Variants in SEC16B observed in about 807,000 individuals in gnomAD.
SEC16B encodes protein transport protein Sec16B.
SEC16B carries 115 observed loss-of-function variants against 141.8 expected under a neutral mutation model. That is an observed-to-expected ratio of 0.81 (90% CI 0.70 to 0.95). The LOEUF (loss-of-function observed/expected upper bound fraction) is 0.95. SEC16B is among the 40% of genes least tolerant of loss of function. SEC16B has a pLI of 0.00. For synonymous variants in SEC16B, 493 were observed against 492.5 expected, an observed-to-expected ratio of 1.00 and a Z score of -0.01; for missense variants, 1,291 against 1,312.3, an observed-to-expected ratio of 0.98 and a Z score of 0.25.
intron 8 of SEC16B, chr1:177,959,257 T>C (rs1652880007): frequency 4.8e-6 from 2 of 419,672 alleles, no homozygotes; most frequent in Non-Finnish European, 8.9e-6. Context: ...AAAGCAGACT[T>C]TGGAGTCAGA....
At chr1:177,956,105 C>A (rs954419103) in intron 10 of SEC16B, among the ~76,000 whole-genome samples, 2 of 152,146 alleles carry the variant, frequency 1.3e-5, no homozygotes, top group Admixed American at 1.3e-4. Context: ...ATAGTTATTA[C>A]CTTTTTAAGT....
Position 177,958,149 on chromosome 1 carries a change from A to G in SEC16B, c.1348T>C (p.Tyr450His). 1 of 1,529,130 alleles carries G rather than the reference A, an allele frequency of 6.5e-7. No homozygotes were observed. The highest frequency in any genetic ancestry group is 1.4e-5 in the African/African-American group (1 of 72,626). 94.7% of individuals were successfully genotyped at this position (1,529,130 alleles called of 1,614,324 possible). A position where few individuals can be genotyped will look rare whatever the true frequency, so the allele number is the denominator to read the frequency against. Residue 450 changes from tyrosine to histidine, a missense_variant, in exon 10 of 26, where the codon TAC becomes CAC. This residue lies in a region of SEC16B where 681 missense variants were observed against 675.5 expected (regional missense o/e 1.01). Coordinates refer to ENST00000308284, the MANE Select transcript of SEC16B (RefSeq NM_033127.4). ...ATACTTGCCTTCTTCCTTCCATAGT[A>G]GAGCAGCCTAGTGAATTTCTCCACG... ...QIVEKFTRLL[Y>H]YGRKKEALEW... is the part of the protein sequence containing the mutation.
chr1:177,947,751 A>G lies in SEC16B; in HGVS notation c.1663+74T>C. 4.9e-6 allele frequency: 3 copies of G among 609,882 alleles called. No individual in the cohort carries two copies. The South Asian group carries it at 5.1e-5, about 10-fold the overall frequency. 37.8% of individuals were successfully genotyped at this position (609,882 alleles called of 1,614,324 possible). A position where few individuals can be genotyped will look rare whatever the true frequency, so the allele number is the denominator to read the frequency against. Reference sequence around the variant, plus strand: ...AGGAGAGGGACGGGGAGGGGAGGTGAGGAAAGGGACAGGGAGGGGAGGGGA... The same window carrying G: ...AGGAGAGGGACGGGGAGGGGAGGTGGGGAAAGGGACAGGGAGGGGAGGGGA... On this transcript the variant is annotated intron_variant, in intron 13 of 25. Transcript: ENST00000308284.
rs376022731 is a variant in SEC16B at position 177,967,714 on chromosome 1, C to G, written c.268G>C (p.Glu90Gln). The G allele has an allele frequency of 8.7e-5, 140 of 1,608,594 alleles. 1 individual carries two copies. In the East Asian group the frequency reaches 3.1e-3, roughly 36 times the overall value. The change falls in exon 2 of 26, where the codon GAA (glutamate) becomes CAA (glutamine). Residue 90 changes from glutamate (E) to glutamine (Q), a missense_variant. Transcript: ENST00000308284. Reference protein sequence around the residue: ...HQPVSGVDYYEGGYRNQLYSR... With the variant: ...HQPVSGVDYYQGGYRNQLYSR... ...TACAACTGATTGCGATAACCACCTTCGTAATAGTCAACTCCAGACACAGGC... is the reference window on the plus strand; with the variant it reads ...TACAACTGATTGCGATAACCACCTTGGTAATAGTCAACTCCAGACACAGGC...
chr1:177,964,759 G>A (rs1175381525), intron 4 of SEC16B, among the ~76,000 whole-genome samples: 2 of 152,140 alleles, frequency 1.3e-5, no homozygotes, highest in Non-Finnish European at 2.9e-5. Flanking sequence ...CTGTTCTAAG[G>A]CCAACACAGA....
At chr1:177,982,394 T>C (rs570304495) in intron 1 of SEC16B, among the ~76,000 whole-genome samples, 2 of 152,116 alleles carry the variant, frequency 1.3e-5, no homozygotes, top group Non-Finnish European at 2.9e-5. Context: ...GGATAAGTAA[T>C]CCAAGAGAAG....
intron 14 of SEC16B, 169 bp downstream of exon 14, chr1:177,946,251 C>T (rs1303272840): frequency 7.4e-6 from 5 of 679,896 alleles, no homozygotes; most frequent in Admixed American, 4.3e-5. Context: ...GTGGGGCCCA[C>T]GGGGCATCTC....
At chr1:177,973,483 CATT>C (rs1193733860), upstream of SEC16B, among the ~76,000 whole-genome samples, 1 of 152,160 alleles carries the variant, frequency 6.6e-6, no homozygotes, top group Non-Finnish European at 1.5e-5. Context: ...AATTAACTGA[CATT>C]ATTTTTAATC....
chr1:177,965,303 G>T, intron 3 of SEC16B, 136 bp from the exon 4 acceptor site: 3 of 1,054,300 alleles, frequency 2.8e-6, no homozygotes, highest in Non-Finnish European at 4.1e-6. Context: ...TGAAAAAATA[G>T]ATAGGTGAGA....
chr1:177,943,194 A>G (rs4652280), intron 15 of SEC16B, among the ~76,000 whole-genome samples: 12,920 of 152,238 alleles, frequency 0.085, 805 homozygotes, highest in East Asian at 0.29. Flanking sequence ...AGGAAAGAAA[A>G]AGAGACCAAA....
rs757966837 is a variant in SEC16B at position 177,937,473 on chromosome 1, G to T, written c.2244C>A (p.Tyr748Ter). The change falls in exon 19 of 26, where the codon TAC becomes TAA. Residue 748 changes from tyrosine to a stop codon, truncating the protein, a stop_gained. Transcript: ENST00000308284. LOFTEE classifies it high-confidence loss of function. ...FYQDFSGCQG[Y>*]SEAPGYRSAL... ...CTGAGCGGTACCCAGGGGCTTCAGA[G>T]TAGCCTTGACATCCAGAAAAGTCCT... 1 of 1,585,694 alleles carries T rather than the reference G, an allele frequency of 6.3e-7. No homozygotes were observed. The highest frequency in any genetic ancestry group is 1.2e-5 in the South Asian group (1 of 86,654).
intron 16 of SEC16B, among the ~76,000 whole-genome samples, 191 bp downstream of exon 16, chr1:177,941,709 G>A (rs1651285668): frequency 6.6e-6 from 1 of 152,180 alleles, no homozygotes; most frequent in Non-Finnish European, 1.5e-5. Flanking sequence ...GCCCAGAGAA[G>A]ATCCTTCTTT....
At chr1:177,953,569 C>T (rs1652370482) in intron 11 of SEC16B, among the ~76,000 whole-genome samples, 1 of 152,200 alleles carries the variant, frequency 6.6e-6, no homozygotes. Flanking sequence ...TCCAGCACCC[C>T]TATACCCGCC....
upstream of SEC16B, among the ~76,000 whole-genome samples, chr1:177,972,143 A>G (rs1318264608): frequency 6.6e-6 from 1 of 152,156 alleles, no homozygotes; most frequent in Non-Finnish European, 1.5e-5. Flanking sequence ...AAGTATCTCT[A>G]ATTATCTCTA....
At chr1:177,945,465 C>T (rs1407279247) in intron 14 of SEC16B, 1 of 152,258 alleles carries the variant, frequency 6.6e-6, no homozygotes, top group Non-Finnish European at 1.5e-5. Flanking sequence ...CTTTGACAAG[C>T]TAGCCATGTG....
chr1:177,933,134 C>T (rs979183857), intron 22 of SEC16B, 80 bp downstream of exon 22: 33 of 1,181,492 alleles, frequency 2.8e-5, no homozygotes, highest in Middle Eastern at 4.5e-4. Flanking sequence ...GGTGCCAGCT[C>T]TGAGAGCTCC....
intron 10 of SEC16B, among the ~76,000 whole-genome samples, chr1:177,957,871 T>C (rs1370121505): frequency 1.4e-5 from 2 of 143,968 alleles, no homozygotes; most frequent in African/African-American, 5.1e-5. Context: ...ATGAGTTCAA[T>C]TGTTTTGATT....
rs776193121 is a variant in SEC16B, at chr1:177,929,846, G to T, written c.*12C>A. 6.2e-7 allele frequency: 1 copy of T among 1,613,472 alleles called. No homozygotes were observed. Among genetic ancestry groups the T allele is most frequent in the Non-Finnish European group, 8.5e-7 (1 of 1,179,696 alleles). ...CAGTCCTGGGAGATGAGCCTGGGAC[G>T]TGTGTTTATTCTCAGCATGGCTGGG... On this transcript the variant is annotated 3_prime_UTR_variant, in exon 26 of 26. Coordinates refer to ENST00000308284, the MANE Select transcript of SEC16B (RefSeq NM_033127.4).
intron 11 of SEC16B, among the ~76,000 whole-genome samples, chr1:177,953,700 C>A (rs1652379234): frequency 2.0e-5 from 3 of 152,210 alleles, no homozygotes; most frequent in African/African-American, 7.2e-5. Context: ...CTGGTCCACG[C>A]TGGCACCCAG....
Sources: allele counts gnomAD v4.1 joint callset (sites outside exome capture counted in the v4.1 genomes callset), GRCh38; gene constraint gnomAD v4.1.1; regional missense constraint gnomAD v4.1.1; transcripts MANE v1.5; gene names NCBI Gene and HGNC (gene_info 2026-07-23, HGNC 2026-07-21).